The following KCNH3 variants were observed in gnomAD, a reference collection of about 807,000 sequenced individuals.
The protein encoded by KCNH3 is potassium voltage-gated channel subfamily H member 3, also known as voltage-gated inwardly rectifying potassium channel KCNH3.
KCNH3 carries 36 observed loss-of-function variants against 95.6 expected under a neutral mutation model. That is an observed-to-expected ratio of 0.38 (90% CI 0.29 to 0.50). The LOEUF is 0.50. Among genes scored for constraint, KCNH3 ranks in the 20% least tolerant of loss-of-function variants. The pLI is 0.95. For synonymous variants in KCNH3, 620 were observed against 646.3 expected (o/e 0.96, Z 0.62); for missense variants, 1,030 against 1,484.1 (o/e 0.69, Z 5.03).
At chr12:49,553,401 C>T (rs908990124) in intron 10 of KCNH3, among the ~76,000 whole-genome samples, 38 of 152,176 alleles carry the variant, frequency 2.5e-4, no homozygotes, top group Non-Finnish European at 5.0e-4. Context: ...CCTGCCATGG[C>T]CTCCCAAAGT....
chr12:49,548,240 C>T (rs1434998818), intron 7 of KCNH3, among the ~76,000 whole-genome samples: 2 of 152,076 alleles, frequency 1.3e-5, no homozygotes, highest in Non-Finnish European at 2.9e-5. Context: ...TACCTTTGTC[C>T]CTCTCCCAAG....
intron 8 of KCNH3, 52 bp from the exon 9 acceptor site, chr12:49,549,389 G>A (rs141887280): frequency 3.1e-6 from 5 of 1,589,182 alleles, no homozygotes; most frequent in Non-Finnish European, 4.3e-6. Context: ...CCAGCGTGGT[G>A]TCAGGCCGGG....
Position 49,555,789 on chromosome 12 carries a change from C to T in KCNH3, c.2306C>T (p.Ser769Phe). 6.2e-7 allele frequency: 1 copy of T among 1,613,736 alleles called. No individual in the cohort carries two copies. ...TCATCCTCAGCTGCCAAGCTGCTAT[C>T]CCCACGTCGAACAGCACCCCGGCCT... ...TSSSSAAKLL[S>F]PRRTAPRPRL... Residue 769 changes from serine (S) to phenylalanine (F), a missense_variant, in exon 12 of 15, where the codon TCC becomes TTC. Ser to Phe is a radical substitution (Grantham distance 155). Around this residue, in one of 9 missense-constraint regions of KCNH3, gnomAD observed 464 missense variants for 493.2 expected, o/e 0.94. Coordinates refer to ENST00000257981, the MANE Select transcript of KCNH3 (RefSeq NM_012284.3).
chr12:49,544,629 T>C (rs1278585049), intron 7 of KCNH3, among the ~76,000 whole-genome samples: 1 of 152,054 alleles, frequency 6.6e-6, no homozygotes, highest in African/African-American at 2.4e-5. Flanking sequence ...TGTGGCCAAA[T>C]GTTGGTCACA....
Position 49,549,182 on chromosome 12 carries a change from G to T in KCNH3, c.1468+9G>T. 3 of 1,571,112 alleles carry T rather than the reference G, an allele frequency of 1.9e-6. No homozygotes were observed. The highest frequency in any genetic ancestry group is 1.2e-5 in the South Asian group (1 of 86,810). ...CACCATGCTCATCGGCGGTGAGCCC[G>T]GCCGCGCGCGTCTTCCCGGGGCCAC... On this transcript the variant is annotated intron_variant, in intron 8 of 14. Transcript: ENST00000257981.
chr12:49,541,731 A>C lies in KCNH3; in HGVS notation c.412A>C (p.Asn138His), dbSNP rs1320687594. The C allele has an allele frequency of 4.3e-6, 7 of 1,614,030 alleles. No individual in the cohort carries two copies. The Admixed American group carries it at 1.2e-4, about 27-fold the overall frequency. The change falls in exon 3 of 15, where the codon AAC (asparagine) becomes CAC (histidine). Residue 138 changes from asparagine (N) to histidine (H), a missense_variant. This residue lies in a region of KCNH3 where 92 missense variants were observed against 92.7 expected (regional missense o/e 0.99). Coordinates refer to ENST00000257981, the MANE Select transcript of KCNH3 (RefSeq NM_012284.3). ...TCACAAGGACATCAGCGAAACCAAG[A>C]ACCGAGGGGGCCCCGACAGATGGAA... ...VSHKDISETK[N>H]RGGPDRWKET...
chr12:49,554,490 G>A lies in KCNH3; in HGVS notation c.2072G>A (p.Arg691His), dbSNP rs763321479. The A allele has an allele frequency of 6.2e-6, 10 of 1,613,736 alleles. No individual in the cohort carries two copies. The Admixed American group carries it at 8.3e-5, about 13-fold the overall frequency. ...GCGCTGTACCCCGAGTTTGCCCCGC[G>A]CTTCAGTCGTGGCCTCCGAGGGGAG... ...SLALYPEFAP[R>H]FSRGLRGELS... The change falls in exon 11 of 15, where the codon CGC (arginine) becomes CAC (histidine). Residue 691 changes from arginine to histidine, a missense_variant. Coordinates refer to ENST00000257981, the MANE Select transcript of KCNH3 (RefSeq NM_012284.3).
intron 10 of KCNH3, among the ~76,000 whole-genome samples, chr12:49,551,408 T>C (rs1938253796): frequency 6.6e-6 from 1 of 151,432 alleles, no homozygotes; most frequent in South Asian, 2.1e-4. Flanking sequence ...AAATCCTGTA[T>C]CTACTAAAAA....
At chr12:49,553,218 C>T (rs1461388015) in intron 10 of KCNH3, among the ~76,000 whole-genome samples, 3 of 151,248 alleles carry the variant, frequency 2.0e-5, no homozygotes, top group Non-Finnish European at 4.4e-5. Context: ...TCACTGCAGC[C>T]TCGACCTACT....
At chr12:49,553,226 A>G (rs1002566279) in intron 10 of KCNH3, among the ~76,000 whole-genome samples, 1 of 151,952 alleles carries the variant, frequency 6.6e-6, no homozygotes, top group African/African-American at 2.4e-5. Flanking sequence ...GCCTCGACCT[A>G]CTGGGCTCAA....
At chr12:49,550,584 G>A (rs1300386474) in intron 10 of KCNH3, among the ~76,000 whole-genome samples, 1 of 152,202 alleles carries the variant, frequency 6.6e-6, no homozygotes, top group Non-Finnish European at 1.5e-5. Context: ...CCTTTGAAAG[G>A]AGCCAGTCTA....
At position 49,557,189 on chromosome 12, in the gene KCNH3, G is replaced by A; in HGVS notation, c.2582G>A (p.Gly861Asp). ...CCCATCCTACTACCCACAGAGAGCG[G>A]CCTGCTCACTGTTCCCCATGGGCCC... The part of the protein sequence containing the change: ...SSSPSPGPES[G>D]LLTVPHGPSE... The change falls in exon 14 of 15, where the codon GGC (glycine) becomes GAC (aspartate). Residue 861 changes from glycine to aspartate, a missense_variant. This residue lies in a region of KCNH3 where 464 missense variants were observed against 493.2 expected (regional missense o/e 0.94). Transcript: ENST00000257981. 6.2e-7 allele frequency: 1 copy of A among 1,613,988 alleles called. No individual in the cohort carries two copies. Among genetic ancestry groups the A allele is most frequent in the Non-Finnish European group, 8.5e-7 (1 of 1,179,966 alleles).
At position 49,539,590 on chromosome 12, in the gene KCNH3, T is replaced by G; in HGVS notation, c.76+98T>G. 2 of 1,043,464 alleles carry G rather than the reference T, an allele frequency of 1.9e-6. No homozygotes were observed. Among genetic ancestry groups the G allele is most frequent in the Non-Finnish European group, 2.8e-6 (2 of 717,454 alleles). The allele number at this position is 1,043,464 out of a possible 1,614,324, so 64.6% of individuals were successfully genotyped here. A position where few individuals can be genotyped will look rare whatever the true frequency, so the allele number is the denominator to read the frequency against. On this transcript the variant is annotated intron_variant, in intron 1 of 14. Transcript: ENST00000257981. This position sits in a 1 kb window ranked among gnomAD's most constrained non-coding sequence, Gnocchi z 6.7. ...CCAGCAGCCCAGCTTGGCGCCAGCC[T>G]ATTCTCACCCTCTCCTCCCTACCCG...
At chr12:49,544,710 C>T (rs1032261533) in intron 7 of KCNH3, among the ~76,000 whole-genome samples, 8 of 152,174 alleles carry the variant, frequency 5.3e-5, no homozygotes, top group South Asian at 2.1e-4. Flanking sequence ...CTCTGACACC[C>T]GGCACTCCCC....
At chr12:49,554,777 C>G (rs940415255) in intron 11 of KCNH3, among the ~76,000 whole-genome samples, 4 of 152,212 alleles carry the variant, frequency 2.6e-5, no homozygotes, top group Non-Finnish European at 4.4e-5. Flanking sequence ...TCTGAGGCAG[C>G]CTTACCCTGT....
At position 49,541,771 on chromosome 12, in the gene KCNH3, G is replaced by A. The variant is rs1005707217; in HGVS notation, c.445+7G>A. ...GACAGATGGAAGGAGACAGGTAGGT[G>A]CATGTAGGTGCTGTGGTCGGGGTAT... On this transcript the variant is annotated splice_region_variant and intron_variant, in intron 3 of 14. Coordinates refer to ENST00000257981, the MANE Select transcript of KCNH3 (RefSeq NM_012284.3). 2.5e-6 allele frequency: 4 copies of A among 1,613,894 alleles called. No individual in the cohort carries two copies. The highest frequency in any genetic ancestry group is 3.4e-6 in the Non-Finnish European group (4 of 1,179,984).
chr12:49,546,479 G>T (rs181257795), intron 7 of KCNH3, among the ~76,000 whole-genome samples: 1 of 152,260 alleles, frequency 6.6e-6, no homozygotes, highest in East Asian at 1.9e-4. Context: ...AGTTCAGTCT[G>T]GTGGGCAGCT....
At chr12:49,548,171 CTT>C (rs1565777869) in intron 7 of KCNH3, among the ~76,000 whole-genome samples, 1 of 151,718 alleles carries the variant, frequency 6.6e-6, no homozygotes, top group Non-Finnish European at 1.5e-5. Flanking sequence ...CCTGTGTGCT[CTT>C]GTCCACGAAA....
chr12:49,553,313 C>CCGT (rs954697382), intron 10 of KCNH3, among the ~76,000 whole-genome samples: 1 of 151,942 alleles, frequency 6.6e-6, no homozygotes, highest in Non-Finnish European at 1.5e-5. Flanking sequence ...ATTTTTGCTG[C>CCGT]TGTTGTTGTT....
Sources: gnomAD v4.1 joint callset for allele counts (sites outside exome capture counted in the v4.1 genomes callset) on GRCh38, gnomAD v4.1.1 for gene constraint, gnomAD v4.1.1 regional missense constraint, Gnocchi (gnomAD v3.1) non-coding constraint, MANE v1.5 for transcripts, NCBI Gene and HGNC (gene_info 2026-07-23, HGNC 2026-07-21) for gene names.